The following KHDRBS3 variants were observed in gnomAD, a reference collection of about 807,000 sequenced individuals.
KHDRBS3 encodes KH RNA binding domain containing, signal transduction associated 3.
Under a neutral mutation model 45.6 loss-of-function variants are expected in KHDRBS3, and 23 were observed. The observed-to-expected ratio is 0.50, with a 90% CI of 0.36 to 0.72. The LOEUF is 0.72. KHDRBS3 is among the 30% of genes least tolerant of loss of function. The pLI, the probability that KHDRBS3 is intolerant of heterozygous loss-of-function variation, is 0.00. For synonymous variants in KHDRBS3, 162 were observed against 156.5 expected, an observed-to-expected ratio of 1.04 and a Z score of -0.26; for missense variants, 352 against 424.8, an observed-to-expected ratio of 0.83 and a Z score of 1.51.
intron 6 of KHDRBS3, among the ~76,000 whole-genome samples, chr8:135,587,080 C>T (rs945322434): frequency 3.1e-4 from 47 of 152,246 alleles, no homozygotes; most frequent in African/African-American, 1.0e-3. Flanking sequence ...TTTTAGAAAA[C>T]GTACTGTTAG....
Position 135,542,774 on chromosome 8 carries a change from A to T in KHDRBS3, c.324+4A>T. On this transcript the variant is annotated splice_donor_region_variant and intron_variant, in intron 3 of 8. Transcript: ENST00000355849. Reference sequence around the variant, plus strand: ...TTCCATGAGAGACAAGGCCAAGGTAATATTAATTATAGAAAACGGCTAAGT... The same window carrying T: ...TTCCATGAGAGACAAGGCCAAGGTATTATTAATTATAGAAAACGGCTAAGT... The T allele has an allele frequency of 6.4e-7, 1 of 1,567,958 alleles. No individual in the cohort carries two copies. The highest frequency in any genetic ancestry group is 8.8e-7 in the Non-Finnish European group (1 of 1,139,464).
intron 2 of KHDRBS3, chr8:135,541,434 A>G (rs1338932145): frequency 6.6e-6 from 1 of 152,228 alleles, no homozygotes; most frequent in African/African-American, 2.4e-5. Context: ...TAACAAGCAA[A>G]AAATAATTAC....
At chr8:135,591,643 A>T (rs1220873652) in intron 6 of KHDRBS3, among the ~76,000 whole-genome samples, 3 of 152,212 alleles carry the variant, frequency 2.0e-5, no homozygotes, top group Non-Finnish European at 4.4e-5. Flanking sequence ...ACTCTTCTGA[A>T]ATTTTGATGA....
chr8:135,464,624 A>G (rs1033776483), intron 1 of KHDRBS3, among the ~76,000 whole-genome samples: 8 of 152,196 alleles, frequency 5.3e-5, no homozygotes, highest in Admixed American at 1.3e-4. Flanking sequence ...GGAAGGGGGG[A>G]ATATGTTTAA....
At chr8:135,550,578 A>ATT (rs1317407209) in intron 4 of KHDRBS3, among the ~76,000 whole-genome samples, 1 of 152,124 alleles carries the variant, frequency 6.6e-6, no homozygotes, top group Non-Finnish European at 1.5e-5. Flanking sequence ...TTTTTCATTG[A>ATT]TTTGTATGCC....
intron 2 of KHDRBS3, chr8:135,538,756 C>T (rs1245908675): frequency 6.6e-6 from 1 of 152,106 alleles, no homozygotes; most frequent in African/African-American, 2.4e-5. Flanking sequence ...AGTGGGACAT[C>T]AGGAGGTGTT....
chr8:135,601,263 A>G (rs1279270598), intron 6 of KHDRBS3, among the ~76,000 whole-genome samples: 2 of 152,218 alleles, frequency 1.3e-5, no homozygotes, highest in African/African-American at 2.4e-5. Context: ...TGATAGTGTG[A>G]AAGAATGAAT....
At chr8:135,511,643 C>T (rs377593914) in intron 1 of KHDRBS3, among the ~76,000 whole-genome samples, 2 of 152,134 alleles carry the variant, frequency 1.3e-5, no homozygotes, top group African/African-American at 4.8e-5. Context: ...GCAAGCCCCG[C>T]CTCCTGGGTT....
At position 135,521,323 on chromosome 8, in the gene KHDRBS3, A is replaced by G. The variant is rs1447670526; in HGVS notation, c.175A>G (p.Lys59Glu). ...TAATAAGAACATGAAGCTGGGACAG[A>G]AAGTGTTAATTCCCGTAAAACAGTT... ...VINKNMKLGQKVLIPVKQFPK... is the reference protein window; with the variant it reads ...VINKNMKLGQEVLIPVKQFPK... The change falls in exon 2 of 9, where the codon AAA becomes GAA. Residue 59 changes from lysine to glutamate, a missense_variant. By Grantham distance (56) the Lys-to-Glu change is moderately conservative. This residue lies in a region of KHDRBS3 where 9 missense variants were observed against 36.5 expected (regional missense o/e 0.25). Coordinates refer to ENST00000355849, the MANE Select transcript of KHDRBS3 (RefSeq NM_006558.3). 1 of 1,612,092 alleles carries G rather than the reference A, an allele frequency of 6.2e-7. No individual in the cohort carries two copies. Among genetic ancestry groups the G allele is most frequent in the African/African-American group, 1.3e-5 (1 of 74,900 alleles).
intron 1 of KHDRBS3, among the ~76,000 whole-genome samples, chr8:135,469,079 A>G (rs1476171181): frequency 6.6e-6 from 1 of 152,274 alleles, no homozygotes; most frequent in African/African-American, 2.4e-5. Context: ...CATTCTGCAT[A>G]GGGTCAGCTG....
intron 4 of KHDRBS3, among the ~76,000 whole-genome samples, chr8:135,553,216 T>C (rs55972878): frequency 0.075 from 11,485 of 152,224 alleles, 695 homozygotes; most frequent in African/African-American, 0.17. Flanking sequence ...CAGACTCTCA[T>C]ATTTCTTACC....
intron 5 of KHDRBS3, among the ~76,000 whole-genome samples, chr8:135,577,279 G>A (rs1035017499): frequency 6.6e-6 from 1 of 152,108 alleles, no homozygotes; most frequent in African/African-American, 2.4e-5. Flanking sequence ...GGTTTTTAGT[G>A]TGCAAACATG....
chr8:135,610,226 G>T (rs953718914), intron 7 of KHDRBS3, among the ~76,000 whole-genome samples: 6 of 151,894 alleles, frequency 4.0e-5, no homozygotes, highest in Admixed American at 3.9e-4. Context: ...TTTACTTAGA[G>T]CCTGCTCTAA....
chr8:135,483,847 G>A (rs1822710561), intron 1 of KHDRBS3, among the ~76,000 whole-genome samples: 1 of 152,158 alleles, frequency 6.6e-6, no homozygotes, highest in South Asian at 2.1e-4. Flanking sequence ...CTGTTTCTGG[G>A]CCTGGACAGG....
intron 5 of KHDRBS3, among the ~76,000 whole-genome samples, chr8:135,561,801 C>T (rs1378988330): frequency 6.6e-6 from 1 of 152,022 alleles, no homozygotes; most frequent in East Asian, 1.9e-4. Flanking sequence ...CCTATGTAGT[C>T]CTAGGCTATA....
intron 7 of KHDRBS3, among the ~76,000 whole-genome samples, chr8:135,624,084 T>C (rs182864352): frequency 6.6e-5 from 10 of 152,348 alleles, no homozygotes; most frequent in African/African-American, 2.2e-4. Context: ...GAAACTAGTG[T>C]ACTGGCAAAG....
chr8:135,645,704 C>A (rs932541668), intron 8 of KHDRBS3, among the ~76,000 whole-genome samples: 1 of 152,206 alleles, frequency 6.6e-6, no homozygotes, highest in Non-Finnish European at 1.5e-5. Flanking sequence ...CAAAGTCTCA[C>A]TATGCAGAAC....
intron 1 of KHDRBS3, among the ~76,000 whole-genome samples, chr8:135,484,864 ATATT>A (rs1323963476): frequency 6.6e-6 from 1 of 152,186 alleles, no homozygotes; most frequent in East Asian, 1.9e-4. Context: ...TAAGTTGACA[ATATT>A]TATTGCCTGG....
At chr8:135,654,486 C>CA (rs1831492634) in intron 4 of KHDRBS3, among the ~76,000 whole-genome samples, 1 of 152,066 alleles carries the variant, frequency 6.6e-6, no homozygotes, top group South Asian at 2.1e-4. Flanking sequence ...CTCATCTGCT[C>CA]AAAAGTTGGT....
Sources: gnomAD v4.1 joint callset for allele counts (sites outside exome capture counted in the v4.1 genomes callset) on GRCh38, gnomAD v4.1.1 for gene constraint, gnomAD v4.1.1 regional missense constraint, MANE v1.5 for transcripts, NCBI Gene and HGNC (gene_info 2026-07-23, HGNC 2026-07-21) for gene names.